Variants in FRMD3 observed in about 807,000 individuals in gnomAD.
FRMD3 encodes FERM domain-containing protein 3.
FRMD3 carries 33 observed loss-of-function variants against 70.2 expected under a neutral mutation model. The ratio of observed to expected loss-of-function variants is 0.47; its 90% CI spans 0.36 to 0.63. The LOEUF is 0.63. Ranked by LOEUF, FRMD3 falls within the 20% of genes least tolerant of loss-of-function variation. The pLI is 0.00. For missense variants in FRMD3, 632 were observed against 711.4 expected, an observed-to-expected ratio of 0.89 and a Z score of 1.27; for synonymous variants, 279 against 255.9, an observed-to-expected ratio of 1.09 and a Z score of -0.86.
intron 10 of FRMD3, among the ~76,000 whole-genome samples, chr9:83,302,670 AG>A (rs1834972187): frequency 6.6e-6 from 1 of 152,118 alleles, no homozygotes; most frequent in Non-Finnish European, 1.5e-5. Context: ...AAGCTACCAA[AG>A]CCAATCCTCT....
At chr9:83,542,774 T>C (rs921607499), upstream of FRMD3, among the ~76,000 whole-genome samples, 5 of 152,044 alleles carry the variant, frequency 3.3e-5, no homozygotes, top group African/African-American at 4.8e-5. Flanking sequence ...TGGAACAAAA[T>C]AGAGGGACCA....
chr9:83,538,799 G>T (rs1024122632), upstream of FRMD3, among the ~76,000 whole-genome samples: 1 of 150,386 alleles, frequency 6.6e-6, no homozygotes, highest in African/African-American at 2.5e-5. The surrounding 1 kb of genome is among the most constrained non-coding windows in gnomAD (Gnocchi z 4.7). Context: ...CAGCTCCAGG[G>T]ACCTGGCGCG....
chr9:83,476,589 G>A (rs1587891359), intron 1 of FRMD3, among the ~76,000 whole-genome samples: 2 of 152,176 alleles, frequency 1.3e-5, no homozygotes, highest in African/African-American at 4.8e-5. Flanking sequence ...GCCCAGAGGA[G>A]AGGCAGAAGT....
intron 6 of FRMD3, among the ~76,000 whole-genome samples, chr9:83,323,207 G>A (rs1389399557): frequency 6.6e-6 from 1 of 152,118 alleles, no homozygotes; most frequent in Non-Finnish European, 1.5e-5. Context: ...AGTGCATGTT[G>A]CACCAAGAAA....
intron 1 of FRMD3, among the ~76,000 whole-genome samples, chr9:83,463,044 G>C (rs1410047227): frequency 6.6e-6 from 1 of 152,210 alleles, no homozygotes; most frequent in Non-Finnish European, 1.5e-5. Context: ...GATTGCAAAA[G>C]AAGGATGCAA....
intron 1 of FRMD3, among the ~76,000 whole-genome samples, chr9:83,532,132 A>T (rs939794748): frequency 4.6e-5 from 7 of 152,236 alleles, no homozygotes; most frequent in African/African-American, 1.7e-4. Context: ...CAAAAAGTCC[A>T]TGAGGGCTAT....
At chr9:83,324,132 C>T (rs2131098993) in intron 6 of FRMD3, among the ~76,000 whole-genome samples, 1 of 152,262 alleles carries the variant, frequency 6.6e-6, no homozygotes, top group East Asian at 1.9e-4. Context: ...AGACCTATGG[C>T]TGTATGTATC....
chr9:83,428,812 C>A (rs1259177429), intron 1 of FRMD3, among the ~76,000 whole-genome samples: 1 of 152,112 alleles, frequency 6.6e-6, no homozygotes, highest in Non-Finnish European at 1.5e-5. Context: ...TTCTTCCTAC[C>A]ATATCAAGTT....
chr9:83,490,044 G>A (rs575700086), intron 1 of FRMD3, among the ~76,000 whole-genome samples: 1 of 152,056 alleles, frequency 6.6e-6, no homozygotes, highest in Non-Finnish European at 1.5e-5. Flanking sequence ...ATATACACTG[G>A]CGCCCAGCCC....
chr9:83,331,440 T>G (rs1029334983), intron 6 of FRMD3, among the ~76,000 whole-genome samples: 1 of 152,130 alleles, frequency 6.6e-6, no homozygotes, highest in African/African-American at 2.4e-5. Context: ...TGCCAGGGGT[T>G]AGGGGAGAAG....
At chr9:83,497,742 C>A (rs1311327108) in intron 1 of FRMD3, among the ~76,000 whole-genome samples, 1 of 152,194 alleles carries the variant, frequency 6.6e-6, no homozygotes, top group Non-Finnish European at 1.5e-5. Flanking sequence ...CATGAAGACA[C>A]AAGATGGAAA....
intron 1 of FRMD3, among the ~76,000 whole-genome samples, chr9:83,519,428 A>T (rs1370331364): frequency 1.3e-5 from 2 of 152,216 alleles, no homozygotes; most frequent in African/African-American, 4.8e-5. Context: ...AATGCAAATC[A>T]AAACCACAAT....
intron 1 of FRMD3, among the ~76,000 whole-genome samples, chr9:83,429,967 C>A (rs1265577073): frequency 6.6e-6 from 1 of 152,174 alleles, no homozygotes; most frequent in Non-Finnish European, 1.5e-5. Flanking sequence ...TCACCAACTG[C>A]TTCTCCTCAC....
At chr9:83,310,213 G>A (rs1033440575) in intron 9 of FRMD3, among the ~76,000 whole-genome samples, 1 of 152,178 alleles carries the variant, frequency 6.6e-6, no homozygotes, top group Non-Finnish European at 1.5e-5. Flanking sequence ...AAGAGGTAGG[G>A]AGAGGTTCCA....
chr9:83,316,717 A>G (rs975819192), intron 6 of FRMD3, among the ~76,000 whole-genome samples: 1 of 152,210 alleles, frequency 6.6e-6, no homozygotes, highest in African/African-American at 2.4e-5. Context: ...TCTTTTCAAG[A>G]CACAGTCATT....
chr9:83,420,449 C>T (rs970857368), intron 1 of FRMD3, among the ~76,000 whole-genome samples: 1 of 152,208 alleles, frequency 6.6e-6, no homozygotes, highest in Non-Finnish European at 1.5e-5. Flanking sequence ...CAAATCAGCT[C>T]AGTGCTAGGC....
upstream of FRMD3, among the ~76,000 whole-genome samples, chr9:83,543,142 C>G (rs891852256): frequency 2.6e-5 from 4 of 151,834 alleles, no homozygotes; most frequent in Non-Finnish European, 2.9e-5. Context: ...ACTGATCACC[C>G]AATCTCCCCA....
the FRMD3 span, among the ~76,000 whole-genome samples, chr9:83,562,893 C>A: frequency 3.5e-5 from 5 of 142,948 alleles, no homozygotes; most frequent in Non-Finnish European, 6.0e-5. Context: ...TGGCCAATGC[C>A]CCCCCCCCAG....
chr9:83,552,825 G>A, the FRMD3 span, among the ~76,000 whole-genome samples: 17 of 152,054 alleles, frequency 1.1e-4, no homozygotes, highest in African/African-American at 3.4e-4. Flanking sequence ...CATTTGCTCC[G>A]TAGATTTTCC....
Sources: allele counts gnomAD v4.1 joint callset (sites outside exome capture counted in the v4.1 genomes callset), GRCh38; gene constraint gnomAD v4.1.1; non-coding constraint Gnocchi (gnomAD v3.1); transcripts MANE v1.5; gene names NCBI Gene and HGNC (gene_info 2026-07-23, HGNC 2026-07-21).